The following MS4A4A variants were observed in gnomAD, a reference collection of about 807,000 sequenced individuals.
MS4A4A encodes the protein membrane-spanning 4-domains subfamily A member 4A.
Under a neutral mutation model 28.0 loss-of-function variants are expected in MS4A4A, and 26 were observed. The observed-to-expected ratio is 0.93, with a 90% confidence interval of 0.68 to 1.29. The LOEUF is 1.29. Ranked by LOEUF, MS4A4A falls within the 50% of genes most tolerant of loss-of-function variation. The pLI, the probability that MS4A4A is intolerant of heterozygous loss-of-function variation, is 0.00. For missense variants in MS4A4A, 290 were observed against 293.1 expected, an observed-to-expected ratio of 0.99 and a Z score of 0.08; for synonymous variants, 86 against 100.8, an observed-to-expected ratio of 0.85 and a Z score of 0.88.
chr11:60,288,020 G>A (rs1590751477), intron 1 of MS4A4A, among the ~76,000 whole-genome samples: 1 of 152,176 alleles, frequency 6.6e-6, no homozygotes, highest in African/African-American at 2.4e-5. Flanking sequence ...AGCTCTGTTA[G>A]GTTGGCGTTG....
At chr11:60,296,810 A>G (rs1039984704) in intron 2 of MS4A4A, 2 of 258,484 alleles carry the variant, frequency 7.7e-6, no homozygotes, top group South Asian at 4.3e-5. Flanking sequence ...CTTCCCTTGT[A>G]TATACTCTCC....
At chr11:60,291,514 C>T (rs1018700916) in intron 1 of MS4A4A, among the ~76,000 whole-genome samples, 3 of 152,064 alleles carry the variant, frequency 2.0e-5, no homozygotes, top group South Asian at 2.1e-4. Flanking sequence ...AAAAGTAATC[C>T]TTCAGCTGGG....
At chr11:60,285,877 C>T (rs1267957889) in intron 1 of MS4A4A, among the ~76,000 whole-genome samples, 37 of 152,170 alleles carry the variant, frequency 2.4e-4, no homozygotes, top group Non-Finnish European at 1.5e-5. Context: ...TAACAGGAAA[C>T]AGGGTTCAAG....
At chr11:60,295,945 T>G (rs562329407) in intron 2 of MS4A4A, among the ~76,000 whole-genome samples, 1 of 152,206 alleles carries the variant, frequency 6.6e-6, no homozygotes, top group South Asian at 2.1e-4. Flanking sequence ...TGGTCTGTAG[T>G]TTTCTTTTCT....
In MS4A4A at chr11:60,297,196, G is replaced by A. The variant is rs1230655405; in HGVS notation, c.202-1G>A. On this transcript the variant is annotated splice_acceptor_variant, in intron 2 of 6. Transcript: ENST00000337908. LOFTEE classifies it high-confidence loss of function. ...GTTTTTGCTTTCTTCACCATTTTTAGGTTGTGCAGATTCTGACTGCCCTGA... is the reference window on the plus strand; with the variant it reads ...GTTTTTGCTTTCTTCACCATTTTTAAGTTGTGCAGATTCTGACTGCCCTGA... 2 of 1,612,708 alleles carry A rather than the reference G, an allele frequency of 1.2e-6. No homozygotes were observed. Among genetic ancestry groups the A allele is most frequent in the Middle Eastern group, 1.6e-4 (1 of 6,078 alleles).
At chr11:60,286,226 C>T (rs1184340928) in intron 1 of MS4A4A, among the ~76,000 whole-genome samples, 1 of 152,108 alleles carries the variant, frequency 6.6e-6, no homozygotes, top group Non-Finnish European at 1.5e-5. Context: ...TTCAGGGTGC[C>T]CAGATTTCAT....
chr11:60,297,405 A>G, intron 3 of MS4A4A, 80 bp downstream of exon 3: 1 of 1,498,456 alleles, frequency 6.7e-7, no homozygotes, highest in Admixed American at 1.9e-5. Flanking sequence ...TCCTATTCTA[A>G]CCGTATCTTG....
intron 2 of MS4A4A, among the ~76,000 whole-genome samples, chr11:60,294,168 A>T (rs891164204): frequency 3.3e-5 from 5 of 152,212 alleles, no homozygotes; most frequent in Non-Finnish European, 7.3e-5. Flanking sequence ...GTGCTAGTGG[A>T]ATCTCACTAT....
chr11:60,307,452 A>G (rs2085013334), intron 6 of MS4A4A, among the ~76,000 whole-genome samples: 1 of 152,200 alleles, frequency 6.6e-6, no homozygotes, highest in Non-Finnish European at 1.5e-5. Flanking sequence ...CATTGAGTGA[A>G]ACGTTTGGAC....
chr11:60,280,886 T>TG (rs1275551870), intron 1 of MS4A4A, among the ~76,000 whole-genome samples, 170 bp downstream of exon 1: 2 of 151,894 alleles, frequency 1.3e-5, no homozygotes, highest in African/African-American at 4.8e-5. Flanking sequence ...GTGCATTCGG[T>TG]GGGGGGATGA....
At chr11:60,303,359 GAA>G (rs755235561) in intron 5 of MS4A4A, among the ~76,000 whole-genome samples, 99 of 152,128 alleles carry the variant, frequency 6.5e-4, no homozygotes, top group Non-Finnish European at 1.2e-3. Context: ...TTGTGGGGAG[GAA>G]AAGTTATTGC....
intron 5 of MS4A4A, among the ~76,000 whole-genome samples, chr11:60,304,944 A>T (rs934713411): frequency 3.9e-5 from 6 of 152,250 alleles, no homozygotes; most frequent in African/African-American, 1.4e-4. Context: ...AGGCACAAGA[A>T]AATAAATAAG....
intron 1 of MS4A4A, among the ~76,000 whole-genome samples, chr11:60,286,224 G>A (rs2084802656): frequency 6.6e-6 from 1 of 152,142 alleles, no homozygotes; most frequent in South Asian, 2.1e-4. Flanking sequence ...TTTTCAGGGT[G>A]CCCAGATTTC....
chr11:60,282,031 G>A (rs2084759289), intron 1 of MS4A4A, among the ~76,000 whole-genome samples: 1 of 152,204 alleles, frequency 6.6e-6, no homozygotes, highest in African/African-American at 2.4e-5. Flanking sequence ...GATTTCTGTG[G>A]TGGAAAAAGA....
At chr11:60,294,815 G>C (rs2084888239) in intron 2 of MS4A4A, among the ~76,000 whole-genome samples, 1 of 150,716 alleles carries the variant, frequency 6.6e-6, no homozygotes, top group Admixed American at 6.6e-5. Context: ...CTATTTCTTT[G>C]CTAATACCAC....
In MS4A4A at chr11:60,294,047, A is replaced by T. The variant is rs115232339; in HGVS notation, c.201+1663A>T. 6.2e-3 allele frequency among the ~76,000 whole-genome samples: 938 copies of T among 152,320 alleles called. 8 individuals carry two copies. The highest frequency in any genetic ancestry group is 0.021 in the African/African-American group (871 of 41,572). On this transcript the variant is annotated intron_variant, in intron 2 of 6. Transcript: ENST00000337908. ...AAGAAACTGCCATACTGTCTTCCAC[A>T]TGGCCTTGTCACTTTGAAGATTTCA...
intron 1 of MS4A4A, among the ~76,000 whole-genome samples, chr11:60,290,790 T>C (rs1300787467): frequency 6.6e-6 from 1 of 152,134 alleles, no homozygotes; most frequent in African/African-American, 2.4e-5. Flanking sequence ...TTTAATCAGT[T>C]TTATTGTTAG....
intron 1 of MS4A4A, 29 bp from the exon 2 acceptor site, chr11:60,292,196 A>C (rs771643956): frequency 6.6e-7 from 1 of 1,515,778 alleles, no homozygotes; most frequent in Admixed American, 2.2e-5. Flanking sequence ...TTTCCAGGAC[A>C]TCATACTAAA....
At chr11:60,293,421 T>G (rs1401213892) in intron 2 of MS4A4A, among the ~76,000 whole-genome samples, 3 of 152,216 alleles carry the variant, frequency 2.0e-5, no homozygotes, top group Non-Finnish European at 4.4e-5. Context: ...TACAGATCTA[T>G]CCCATATGCC....
Sources: allele counts gnomAD v4.1 joint callset (sites outside exome capture counted in the v4.1 genomes callset), GRCh38; gene constraint gnomAD v4.1.1; transcripts MANE v1.5; gene names NCBI Gene and HGNC (gene_info 2026-07-23, HGNC 2026-07-21).